Variants in DOK5 observed in about 807,000 individuals in gnomAD.
DOK5 encodes downstream of tyrosine kinase 5.
DOK5 carries 27 observed loss-of-function variants against 43.3 expected under a neutral mutation model. The observed-to-expected ratio is 0.62, with a 90% CI of 0.46 to 0.86. DOK5 has a LOEUF of 0.86. DOK5 is among the 40% of genes least tolerant of loss of function. DOK5 has a pLI of 0.00. For missense variants in DOK5, 373 were observed against 392.9 expected, an observed-to-expected ratio of 0.95 and a Z score of 0.43; for synonymous variants, 146 against 140.1, an observed-to-expected ratio of 1.04 and a Z score of -0.30.
chr20:54,514,777 A>T (rs571584370), intron 1 of DOK5, among the ~76,000 whole-genome samples: 1 of 152,014 alleles, frequency 6.6e-6, no homozygotes, highest in South Asian at 2.1e-4. Flanking sequence ...ATCATCTTCC[A>T]CTTAATCTTT....
chr20:54,645,734 G>A (rs2146834039), intron 7 of DOK5, among the ~76,000 whole-genome samples: 1 of 152,186 alleles, frequency 6.6e-6, no homozygotes, highest in East Asian at 1.9e-4. Context: ...AAGCAATAAT[G>A]TACAGGAGGG....
In DOK5 at chr20:54,609,860, A is replaced by G. The variant is rs6098110; in HGVS notation, c.600-528A>G. On this transcript the variant is annotated intron_variant, in intron 5 of 7. Coordinates refer to ENST00000262593, the MANE Select transcript of DOK5 (RefSeq NM_018431.5). Reference sequence around the variant, plus strand: ...AAAAAAAATTAACTGCATTTGATCCATCACATTGAATGAAAGCTGGAGTAA... The same window carrying G: ...AAAAAAAATTAACTGCATTTGATCCGTCACATTGAATGAAAGCTGGAGTAA... 8.2e-3 allele frequency among the ~76,000 whole-genome samples: 1,253 copies of G among 152,352 alleles called. 19 individuals carry two copies. Among genetic ancestry groups the G allele is most frequent in the African/African-American group, 0.029 (1,197 of 41,578 alleles).
At chr20:54,608,407 C>T (rs1986538081) in intron 5 of DOK5, among the ~76,000 whole-genome samples, 1 of 152,122 alleles carries the variant, frequency 6.6e-6, no homozygotes, top group Non-Finnish European at 1.5e-5. Context: ...CAAAACCTTA[C>T]AGAATTGGAT....
At chr20:54,646,385 C>G (rs891208901) in intron 7 of DOK5, among the ~76,000 whole-genome samples, 1 of 150,128 alleles carries the variant, frequency 6.7e-6, no homozygotes, top group Non-Finnish European at 1.5e-5. Context: ...TACCAAATAG[C>G]TGGGACTACA....
At chr20:54,519,772 A>T (rs1983328446) in intron 1 of DOK5, among the ~76,000 whole-genome samples, 1 of 152,226 alleles carries the variant, frequency 6.6e-6, no homozygotes, top group Admixed American at 6.5e-5. Context: ...TATGTTTGTG[A>T]ATTTGGCTCT....
At chr20:54,503,442 G>A (rs1328044341) in intron 1 of DOK5, among the ~76,000 whole-genome samples, 1 of 151,956 alleles carries the variant, frequency 6.6e-6, no homozygotes, top group Non-Finnish European at 1.5e-5. Flanking sequence ...TCATAGTTTT[G>A]TTGCTTTTAT....
intron 5 of DOK5, among the ~76,000 whole-genome samples, chr20:54,593,991 C>G (rs1481166089): frequency 6.6e-6 from 1 of 151,970 alleles, no homozygotes; most frequent in Non-Finnish European, 1.5e-5. Context: ...TGGGGCCTAT[C>G]TGAGGGTGGA....
At chr20:54,640,621 T>G (rs1185345202) in intron 6 of DOK5, among the ~76,000 whole-genome samples, 1 of 152,236 alleles carries the variant, frequency 6.6e-6, no homozygotes, top group African/African-American at 2.4e-5. Context: ...ACCGTTCTCC[T>G]CTTCAAAACG....
intron 1 of DOK5, among the ~76,000 whole-genome samples, chr20:54,518,231 G>A (rs1015137271): frequency 1.3e-5 from 2 of 151,856 alleles, no homozygotes; most frequent in African/African-American, 2.4e-5. Flanking sequence ...CCATTAACTC[G>A]TCATTTAACA....
intron 6 of DOK5, among the ~76,000 whole-genome samples, chr20:54,629,730 T>C (rs1033938124): frequency 1.3e-5 from 2 of 152,180 alleles, no homozygotes; most frequent in African/African-American, 4.8e-5. Context: ...GAACTGATAG[T>C]TGCTATGAAG....
At chr20:54,611,794 G>A (rs1161308148) in intron 6 of DOK5, among the ~76,000 whole-genome samples, 7 of 152,198 alleles carry the variant, frequency 4.6e-5, no homozygotes, top group East Asian at 1.9e-4. Context: ...AACATGTGGG[G>A]TGGTTGGATT....
At chr20:54,526,787 T>C (rs2146701778) in intron 1 of DOK5, among the ~76,000 whole-genome samples, 1 of 152,292 alleles carries the variant, frequency 6.6e-6, no homozygotes, top group East Asian at 1.9e-4. Flanking sequence ...CTGTCTGTTT[T>C]CGAAAAGCAG....
chr20:54,480,895 A>G (rs1255737854), intron 1 of DOK5, among the ~76,000 whole-genome samples: 2 of 149,242 alleles, frequency 1.3e-5, no homozygotes, highest in African/African-American at 5.1e-5. Flanking sequence ...GAGGCCTTTA[A>G]GGCCTCCATC....
rs1367563316 is a variant in DOK5, at chr20:54,617,150, A to T, written c.735+6627A>T. 3.9e-5 allele frequency among the ~76,000 whole-genome samples: 6 copies of T among 152,076 alleles called. No individual in the cohort carries two copies. In the East Asian group the frequency reaches 9.7e-4, roughly 25 times the overall value. ...GAATTTAGCTACTTGGGGTTGTGGG[A>T]TTGAGGGCTACAGTTTCTTGCTGGC... On this transcript the variant is annotated intron_variant, in intron 6 of 7. Coordinates refer to ENST00000262593, the MANE Select transcript of DOK5 (RefSeq NM_018431.5).
intron 1 of DOK5, among the ~76,000 whole-genome samples, chr20:54,508,958 C>A (rs914064619): frequency 5.3e-5 from 8 of 151,802 alleles, no homozygotes; most frequent in African/African-American, 1.9e-4. Context: ...CTCACTGCAA[C>A]CTCCGTCTCC....
At chr20:54,563,016 C>G (rs2146737829) in intron 2 of DOK5, among the ~76,000 whole-genome samples, 1 of 152,280 alleles carries the variant, frequency 6.6e-6, no homozygotes, top group East Asian at 1.9e-4. Context: ...TAAGAAGAGA[C>G]ACAGACCCAC....
At chr20:54,531,515 C>A (rs1983770086) in intron 1 of DOK5, among the ~76,000 whole-genome samples, 1 of 152,172 alleles carries the variant, frequency 6.6e-6, no homozygotes, top group African/African-American at 2.4e-5. Context: ...TATTCAGCAA[C>A]CTCCTACAAG....
intron 6 of DOK5, 89 bp from the exon 7 acceptor site, chr20:54,643,369 T>G: frequency 6.5e-7 from 1 of 1,538,390 alleles, no homozygotes; most frequent in South Asian, 1.2e-5. Context: ...GCTCTGTGGT[T>G]CTTTTACTCC....
At chr20:54,606,498 C>G (rs73144086) in intron 5 of DOK5, among the ~76,000 whole-genome samples, 10,493 of 152,256 alleles carry the variant, frequency 0.069, 381 homozygotes, top group Middle Eastern at 0.099. Context: ...GTTGCATTTT[C>G]TCTGGAGACG....
Sources: gnomAD v4.1 joint callset for allele counts (sites outside exome capture counted in the v4.1 genomes callset) on GRCh38, gnomAD v4.1.1 for gene constraint, MANE v1.5 for transcripts, NCBI Gene and HGNC (gene_info 2026-07-23, HGNC 2026-07-21) for gene names.